Variants in GDPD4 observed in about 807,000 individuals in gnomAD.
GDPD4 encodes the protein glycerophosphodiester phosphodiesterase domain containing 4, also known as glycerophosphodiester phosphodiesterase 6.
A neutral mutation model predicts 67.8 loss-of-function variants in GDPD4; 60 were observed. The observed-to-expected ratio is 0.88, with a 90% CI of 0.72 to 1.10. GDPD4 has a LOEUF of 1.10. Among genes scored for constraint, GDPD4 ranks in the 50% least tolerant of loss-of-function variants. The pLI is 0.00. For synonymous variants in GDPD4, 212 were observed against 210.9 expected (o/e 1.00, Z -0.04); for missense variants, 623 against 613.9 (o/e 1.01, Z -0.16).
In GDPD4 at chr11:77,261,037, GA is replaced by G. The variant is rs1959105760; in HGVS notation, c.708-2496del. On this transcript the variant is annotated intron_variant, in intron 10 of 16. Coordinates refer to ENST00000315938, the MANE Select transcript of GDPD4 (RefSeq NM_182833.3). Reference sequence around the variant, plus strand: ...TCAAAATCTGATGAAGATTTGAACTGAATGCTGAATTCTTTCCTGGCTAAAA... The same window carrying G: ...TCAAAATCTGATGAAGATTTGAACTGATGCTGAATTCTTTCCTGGCTAAAA... Among the ~76,000 whole-genome samples the G allele has an allele frequency of 2.0e-5, 3 of 152,180 alleles. No homozygotes were observed. In the South Asian group the frequency reaches 6.2e-4, roughly 32 times the overall value.
intron 12 of GDPD4, among the ~76,000 whole-genome samples, chr11:77,244,879 C>T (rs1368881757): frequency 6.6e-6 from 1 of 152,186 alleles, no homozygotes; most frequent in East Asian, 1.9e-4. Flanking sequence ...ACGAGCAAAT[C>T]TCTGCTCAAA....
chr11:77,272,877 G>C (rs1959282321), intron 5 of GDPD4, among the ~76,000 whole-genome samples: 1 of 151,822 alleles, frequency 6.6e-6, no homozygotes. Context: ...TTCTGTTTTT[G>C]GACTTAAAAT....
chr11:77,223,810 T>C (rs1207088159), intron 16 of GDPD4, among the ~76,000 whole-genome samples: 1 of 152,198 alleles, frequency 6.6e-6, no homozygotes, highest in Non-Finnish European at 1.5e-5. Context: ...AGGTGGAGTC[T>C]ACAGAGGCAG....
In GDPD4 at chr11:77,222,831, A is replaced by G. The variant is rs574054353; in HGVS notation, c.1525+5033T>C. On this transcript the variant is annotated intron_variant, in intron 16 of 16. Transcript: ENST00000315938. ...GATAATATCCTGAAGAGTGTTTTCT[A>G]ACTTGGTTCCATTCTCCCCGTCACT... 2.0e-5 allele frequency among the ~76,000 whole-genome samples: 3 copies of G among 152,266 alleles called. No individual in the cohort carries two copies. The South Asian group carries it at 6.2e-4, about 32-fold the overall frequency.
intron 3 of GDPD4, among the ~76,000 whole-genome samples, chr11:77,284,766 A>G (rs1294964185): frequency 6.6e-6 from 1 of 151,186 alleles, no homozygotes; most frequent in Admixed American, 6.6e-5. Flanking sequence ...CAGTAACTCA[A>G]AGAGACTAAA....
At chr11:77,218,687 G>A (rs1958171906) in intron 16 of GDPD4, among the ~76,000 whole-genome samples, 1 of 152,130 alleles carries the variant, frequency 6.6e-6, no homozygotes, top group Non-Finnish European at 1.5e-5. Context: ...ACGGTTTCCA[G>A]CTTCATCCAT....
intron 11 of GDPD4, among the ~76,000 whole-genome samples, chr11:77,253,460 CCATT>C (rs1565524223): frequency 6.6e-6 from 1 of 152,116 alleles, no homozygotes. Context: ...CCATGTGACT[CCATT>C]CCTTAGGGAT....
rs777523271 is a variant in GDPD4 at position 77,227,886 on chromosome 11, A to G, written c.1503T>C (p.Phe501=). The G allele has an allele frequency of 6.2e-7, 1 of 1,613,752 alleles. No homozygotes were observed. ...WRRETEKEKL[F]ETSSTRTDTQ... Reference sequence around the variant, plus strand: ...TACCTGTGCGAGTGCTGGAGGTTTCAAACAATTTTTCTTTTTCAGTCTCTC... The same window carrying G: ...TACCTGTGCGAGTGCTGGAGGTTTCGAACAATTTTTCTTTTTCAGTCTCTC... The change falls in exon 16 of 17, where the codon TTT becomes TTC. Residue 501 remains phenylalanine, a synonymous_variant. Transcript: ENST00000315938.
chr11:77,260,261 G>T (rs1393514147), intron 10 of GDPD4, among the ~76,000 whole-genome samples: 2 of 148,888 alleles, frequency 1.3e-5, no homozygotes, highest in African/African-American at 5.1e-5. Flanking sequence ...AGACAAAATC[G>T]CGCCATTGGA....
intron 1 of GDPD4, among the ~76,000 whole-genome samples, chr11:77,298,084 TTTG>T (rs969985783): frequency 9.2e-5 from 14 of 151,846 alleles, no homozygotes; most frequent in African/African-American, 2.9e-4. Flanking sequence ...CCTACAGTTT[TTTG>T]TTGTTGTTTC....
At chr11:77,238,691 A>G (rs1274069964) in intron 13 of GDPD4, among the ~76,000 whole-genome samples, 1 of 152,222 alleles carries the variant, frequency 6.6e-6, no homozygotes, top group African/African-American at 2.4e-5. Flanking sequence ...GGAGTAATAA[A>G]AAGTAATACA....
At chr11:77,277,151 G>C (rs1959507192) in intron 4 of GDPD4, among the ~76,000 whole-genome samples, 1 of 150,830 alleles carries the variant, frequency 6.6e-6, no homozygotes, top group Non-Finnish European at 1.5e-5. Flanking sequence ...CATGTTTATT[G>C]TGCATAAAAG....
At chr11:77,248,888 AT>A (rs568506140) in intron 11 of GDPD4, among the ~76,000 whole-genome samples, 82,358 of 122,362 alleles carry the variant, frequency 0.67, 29,375 homozygotes, top group Non-Finnish European at 0.8. Context: ...TGCCCGGCTA[AT>A]TTTTTTTTTT....
chr11:77,275,473 G>A (rs1302487479), intron 5 of GDPD4, among the ~76,000 whole-genome samples: 1 of 152,164 alleles, frequency 6.6e-6, no homozygotes, highest in Non-Finnish European at 1.5e-5. Context: ...CAGGAAGACA[G>A]GCATTGACTC....
At chr11:77,284,165 C>T (rs1474167062) in intron 3 of GDPD4, among the ~76,000 whole-genome samples, 1 of 152,124 alleles carries the variant, frequency 6.6e-6, no homozygotes, top group Non-Finnish European at 1.5e-5. Context: ...ATTGGACACA[C>T]ATATAATGCC....
intron 1 of GDPD4, among the ~76,000 whole-genome samples, chr11:77,291,990 A>G (rs1049565033): frequency 5.3e-5 from 8 of 152,136 alleles, no homozygotes; most frequent in Admixed American, 2.0e-4. Context: ...AGATGGCAAC[A>G]TTGCACTCCA....
intron 12 of GDPD4, 56 bp downstream of exon 12, chr11:77,245,225 C>A: frequency 7.4e-7 from 1 of 1,346,926 alleles, no homozygotes; most frequent in South Asian, 1.2e-5. Flanking sequence ...CTACTGTGCT[C>A]CTAGGACATG....
intron 1 of GDPD4, among the ~76,000 whole-genome samples, chr11:77,299,727 G>C (rs554740329): frequency 6.6e-6 from 1 of 152,290 alleles, no homozygotes; most frequent in East Asian, 1.9e-4. Flanking sequence ...TCAAGCCTCT[G>C]CCTCACCGGA....
At chr11:77,275,750 A>G (rs1039169724) in intron 5 of GDPD4, among the ~76,000 whole-genome samples, 2 of 152,180 alleles carry the variant, frequency 1.3e-5, no homozygotes, top group African/African-American at 2.4e-5. Flanking sequence ...GAGGGGAAAC[A>G]TTTTAAGGTT....
Sources: gnomAD v4.1 joint callset for allele counts (sites outside exome capture counted in the v4.1 genomes callset) on GRCh38, gnomAD v4.1.1 for gene constraint, MANE v1.5 for transcripts, NCBI Gene and HGNC (gene_info 2026-07-23, HGNC 2026-07-21) for gene names.